PLCB1: variants seen among roughly 807,000 people sequenced by gnomAD.
PLCB1 encodes the protein phospholipase C beta 1, also known as 1-phosphatidylinositol 4,5-bisphosphate phosphodiesterase beta-1.
In PLCB1, 46 loss-of-function variants were observed where a neutral mutation model predicts 161.8. The ratio of observed to expected loss-of-function variants is 0.28; its 90% CI spans 0.22 to 0.36. PLCB1 has a LOEUF of 0.36. PLCB1 is among the 10% of genes least tolerant of loss of function. The probability of loss-of-function intolerance (pLI) is 1.00; values close to 1 mark genes in which losing one functional copy is unlikely to be tolerated. For synonymous variants in PLCB1, 517 were observed against 503.7 expected (o/e 1.03, Z -0.35); for missense variants, 1,016 against 1,472.5 (o/e 0.69, Z 5.07).
intron 31 of PLCB1, among the ~76,000 whole-genome samples, chr20:8,797,895 T>G (rs1168078812): frequency 6.6e-6 from 1 of 152,196 alleles, no homozygotes; most frequent in South Asian, 2.1e-4. Context: ...CTCTGGGTCT[T>G]TAAAGATAGT....
chr20:8,553,166 G>A (rs1985829803), intron 3 of PLCB1, among the ~76,000 whole-genome samples: 1 of 152,176 alleles, frequency 6.6e-6, no homozygotes, highest in African/African-American at 2.4e-5. Context: ...TAACCTGCAT[G>A]TGTTTTATAG....
intron 2 of PLCB1, among the ~76,000 whole-genome samples, chr20:8,188,316 C>T (rs1231005223): frequency 6.6e-6 from 1 of 152,072 alleles, no homozygotes; most frequent in Non-Finnish European, 1.5e-5. Context: ...AGCCCAACAT[C>T]AAATGGTCTA....
chr20:8,648,338 C>T (rs879596762), intron 6 of PLCB1, among the ~76,000 whole-genome samples: 10 of 152,134 alleles, frequency 6.6e-5, no homozygotes, highest in Non-Finnish European at 1.5e-4. Context: ...CAGATGCTAA[C>T]TGGAGCCAGG....
intron 27 of PLCB1, among the ~76,000 whole-genome samples, chr20:8,783,799 G>T (rs1468817226): frequency 6.6e-6 from 1 of 152,160 alleles, no homozygotes; most frequent in Non-Finnish European, 1.5e-5. Context: ...CCATTGACAT[G>T]TAGGAAAAAT....
intron 2 of PLCB1, among the ~76,000 whole-genome samples, chr20:8,345,794 T>C (rs1246663036): frequency 1.3e-5 from 2 of 152,214 alleles, no homozygotes; most frequent in Non-Finnish European, 1.5e-5. Context: ...CTTCCTAAGC[T>C]GATCCAGGCA....
chr20:8,741,364 G>A, intron 22 of PLCB1, 100 bp from the exon 23 acceptor site: 5 of 735,788 alleles, frequency 6.8e-6, no homozygotes, highest in Admixed American at 4.2e-5. Flanking sequence ...GGTGATGAAT[G>A]AATGCATGGA....
intron 11 of PLCB1, among the ~76,000 whole-genome samples, chr20:8,698,833 G>A (rs1990637779): frequency 1.3e-5 from 2 of 152,196 alleles, no homozygotes; most frequent in Non-Finnish European, 2.9e-5. Context: ...TACTGATAAA[G>A]ATGCATCAGC....
intron 27 of PLCB1, among the ~76,000 whole-genome samples, chr20:8,782,452 G>A (rs1983287644): frequency 6.6e-6 from 1 of 152,156 alleles, no homozygotes; most frequent in African/African-American, 2.4e-5. Flanking sequence ...GAGGGCAGTG[G>A]TACAAACTTG....
At chr20:8,360,650 T>C (rs995340578) in intron 2 of PLCB1, among the ~76,000 whole-genome samples, 10 of 152,164 alleles carry the variant, frequency 6.6e-5, no homozygotes, top group African/African-American at 2.4e-4. Flanking sequence ...CTTTTAGACA[T>C]ATCCAGCTCC....
At chr20:8,816,567 T>C (rs1272536243) in intron 31 of PLCB1, among the ~76,000 whole-genome samples, 1 of 152,198 alleles carries the variant, frequency 6.6e-6, no homozygotes, top group Non-Finnish European at 1.5e-5. Context: ...TACAAAATAC[T>C]GTACCATCTA....
At chr20:8,215,651 A>G (rs1979081066) in intron 2 of PLCB1, among the ~76,000 whole-genome samples, 2 of 151,960 alleles carry the variant, frequency 1.3e-5, no homozygotes, top group Admixed American at 1.3e-4. Context: ...GAGTTTTTGT[A>G]CGTCTTGACA....
chr20:8,783,470 G>T (rs1382251233), intron 27 of PLCB1, among the ~76,000 whole-genome samples: 1 of 152,158 alleles, frequency 6.6e-6, no homozygotes, highest in Admixed American at 6.5e-5. Context: ...CACATCTTAT[G>T]CAGTAAGAAC....
chr20:8,238,539 T>C (rs1173984958), intron 2 of PLCB1, among the ~76,000 whole-genome samples: 1 of 150,484 alleles, frequency 6.6e-6, no homozygotes, highest in African/African-American at 2.4e-5. Flanking sequence ...CTAGATGAGG[T>C]CTCTCAGAAG....
intron 3 of PLCB1, among the ~76,000 whole-genome samples, chr20:8,396,099 G>A (rs935918570): frequency 6.6e-5 from 10 of 152,138 alleles, no homozygotes; most frequent in Admixed American, 4.6e-4. Flanking sequence ...GTAATATATT[G>A]AGCTGAATCA....
chr20:8,838,659 C>A (rs1278118177), intron 31 of PLCB1, among the ~76,000 whole-genome samples: 1 of 152,148 alleles, frequency 6.6e-6, no homozygotes, highest in African/African-American at 2.4e-5. Flanking sequence ...AAAAGCAGTA[C>A]CACATTCCTG....
intron 2 of PLCB1, among the ~76,000 whole-genome samples, chr20:8,296,083 G>C: frequency 6.6e-6 from 1 of 152,108 alleles, no homozygotes; most frequent in East Asian, 1.9e-4. Context: ...TCTATATTAA[G>C]ATAGTCACTG....
chr20:8,454,143 T>C (rs1251709832), intron 3 of PLCB1, among the ~76,000 whole-genome samples: 1 of 152,154 alleles, frequency 6.6e-6, no homozygotes, highest in Non-Finnish European at 1.5e-5. Flanking sequence ...TAAATTCCTG[T>C]TGTTTAAGCC....
chr20:8,522,474 C>A (rs1226197074), intron 3 of PLCB1, among the ~76,000 whole-genome samples: 1 of 142,020 alleles, frequency 7.0e-6, no homozygotes, highest in African/African-American at 2.6e-5. Flanking sequence ...AAATTCAAAG[C>A]CTAGTCTTCT....
intron 3 of PLCB1, among the ~76,000 whole-genome samples, chr20:8,502,337 G>A (rs1983460126): frequency 6.6e-6 from 1 of 151,878 alleles, no homozygotes; most frequent in African/African-American, 2.4e-5. Flanking sequence ...TGATAAAGGT[G>A]GTATTAATAG....
Sources: gnomAD v4.1 joint callset for allele counts (sites outside exome capture counted in the v4.1 genomes callset) on GRCh38, gnomAD v4.1.1 for gene constraint, MANE v1.5 for transcripts, NCBI Gene and HGNC (gene_info 2026-07-23, HGNC 2026-07-21) for gene names.